Variants in PHACTR1 observed in about 807,000 individuals in gnomAD.
The protein encoded by PHACTR1 is RPEL repeat containing 1.
In PHACTR1, 16 loss-of-function variants were observed where a neutral mutation model predicts 69.2. The observed-to-expected ratio is 0.23, with a 90% CI of 0.16 to 0.35. The LOEUF (loss-of-function observed/expected upper bound fraction) is 0.35, where lower values mean the gene tolerates loss of function less well. Among genes scored for constraint, PHACTR1 ranks in the 10% least tolerant of loss-of-function variants. The pLI, the probability that PHACTR1 is intolerant of heterozygous loss-of-function variation, is 1.00. For synonymous variants in PHACTR1, 312 were observed against 284.5 expected, an observed-to-expected ratio of 1.10 and a Z score of -0.97; for missense variants, 510 against 734.7, an observed-to-expected ratio of 0.69 and a Z score of 3.54.
At chr6:13,150,181 T>C (rs1217883276) in intron 5 of PHACTR1, among the ~76,000 whole-genome samples, 1 of 152,014 alleles carries the variant, frequency 6.6e-6, no homozygotes, top group Non-Finnish European at 1.5e-5. Flanking sequence ...ACCCCACCTC[T>C]ACAGAAAATA....
chr6:12,939,149 T>G (rs529926398), intron 4 of PHACTR1, among the ~76,000 whole-genome samples: 45 of 152,320 alleles, frequency 3.0e-4, no homozygotes, highest in African/African-American at 9.9e-4. Context: ...GAACTGAGAC[T>G]GCTGGATTCC....
chr6:12,770,972 G>T (rs1268469495), intron 4 of PHACTR1, among the ~76,000 whole-genome samples: 1 of 152,142 alleles, frequency 6.6e-6, no homozygotes, highest in South Asian at 2.1e-4. Flanking sequence ...ACATTGCAAA[G>T]AACAAGAAAG....
chr6:13,035,599 A>G (rs1352983500), intron 4 of PHACTR1, among the ~76,000 whole-genome samples: 2 of 152,224 alleles, frequency 1.3e-5, no homozygotes, highest in African/African-American at 4.8e-5. Context: ...GAATTATAAT[A>G]CTAATATTTG....
intron 4 of PHACTR1, among the ~76,000 whole-genome samples, chr6:12,867,444 C>T (rs191894640): frequency 3.9e-5 from 6 of 152,256 alleles, no homozygotes; most frequent in Admixed American, 2.6e-4. Flanking sequence ...TAATATGCAC[C>T]AATTCCTTTA....
In PHACTR1 at chr6:13,205,822, C is replaced by A; in HGVS notation, c.672C>A (p.Gly224=). ...PSDIMDGPDP[G]APVKLPCLPV... ...GCCCTCTTTCTGCCACAGATCCTGG[C>A]GCCCCTGTGAAATTGCCTTGTCTGC... The change falls in exon 8 of 15, where the codon GGC becomes GGA. Residue 224 remains glycine (G), a synonymous_variant. Coordinates refer to ENST00000332995, the MANE Select transcript of PHACTR1 (RefSeq NM_030948.6). 1.3e-6 allele frequency: 2 copies of A among 1,581,842 alleles called. No homozygotes were observed. Among genetic ancestry groups the A allele is most frequent in the South Asian group, 1.1e-5 (1 of 87,890 alleles).
intron 4 of PHACTR1, among the ~76,000 whole-genome samples, chr6:12,760,135 A>G (rs976661068): frequency 6.6e-6 from 1 of 152,196 alleles, no homozygotes; most frequent in African/African-American, 2.4e-5. Context: ...TGCTTGTTCT[A>G]TTCCTCCAGG....
At chr6:12,878,141 G>A (rs77637666) in intron 4 of PHACTR1, among the ~76,000 whole-genome samples, 2,851 of 152,242 alleles carry the variant, frequency 0.019, 93 homozygotes, top group African/African-American at 0.065. Context: ...ATAAGCCTTC[G>A]GTGAATATGT....
chr6:12,830,125 G>GAAAGAAAGAAAGAAAGAAAGAAAGA (rs1777339980), intron 4 of PHACTR1, among the ~76,000 whole-genome samples: 38 of 126,728 alleles, frequency 3.0e-4, no homozygotes, highest in African/African-American at 6.5e-4. Flanking sequence ...AAGAAAGAAA[G>GAAAGAAAGAAAGAAAGAAAGAAAGA]AAAGAAAGAA....
At chr6:12,798,867 T>C (rs1411833250) in intron 4 of PHACTR1, among the ~76,000 whole-genome samples, 1 of 152,256 alleles carries the variant, frequency 6.6e-6, no homozygotes, top group Non-Finnish European at 1.5e-5. Context: ...TGCCTGAATC[T>C]ATATAGTGGA....
intron 4 of PHACTR1, among the ~76,000 whole-genome samples, chr6:12,823,587 G>A (rs1776448153): frequency 6.6e-6 from 1 of 152,174 alleles, no homozygotes; most frequent in Non-Finnish European, 1.5e-5. Context: ...AGATCCATAT[G>A]GAATGTGAAA....
intron 4 of PHACTR1, among the ~76,000 whole-genome samples, chr6:12,807,841 T>G (rs1774531786): frequency 6.6e-6 from 1 of 152,234 alleles, no homozygotes; most frequent in African/African-American, 2.4e-5. Context: ...TTGTGATAGC[T>G]TTAAAGGCTG....
chr6:13,048,578 A>G (rs182418896), intron 4 of PHACTR1, among the ~76,000 whole-genome samples: 111 of 141,800 alleles, frequency 7.8e-4, no homozygotes, highest in African/African-American at 2.9e-3. Flanking sequence ...TTTGTCACCT[A>G]TGCTGGAGTG....
intron 6 of PHACTR1, among the ~76,000 whole-genome samples, chr6:13,170,748 G>A (rs528952534): frequency 5.9e-5 from 9 of 152,216 alleles, no homozygotes; most frequent in Non-Finnish European, 1.3e-4. Context: ...GAAGATACAG[G>A]GCATCTTTTC....
intron 4 of PHACTR1, among the ~76,000 whole-genome samples, chr6:13,027,649 C>T (rs554320483): frequency 6.6e-6 from 1 of 151,652 alleles, no homozygotes; most frequent in Non-Finnish European, 1.5e-5. Flanking sequence ...CCACCTAACA[C>T]TTGCTGCACA....
chr6:13,201,055 A>G (rs1057089436), intron 7 of PHACTR1, among the ~76,000 whole-genome samples: 3 of 152,180 alleles, frequency 2.0e-5, no homozygotes, highest in Non-Finnish European at 4.4e-5. Flanking sequence ...ATGCACCCCC[A>G]GTCCTGGTCC....
chr6:12,815,312 C>T (rs1775459750), intron 4 of PHACTR1, among the ~76,000 whole-genome samples: 1 of 152,128 alleles, frequency 6.6e-6, no homozygotes, highest in African/African-American at 2.4e-5. Context: ...ACTGCCCCTC[C>T]CCAGTATCAA....
At chr6:12,907,655 G>A (rs1160019049) in intron 4 of PHACTR1, among the ~76,000 whole-genome samples, 1 of 152,240 alleles carries the variant, frequency 6.6e-6, no homozygotes, top group African/African-American at 2.4e-5. Context: ...TCTTGAAGAA[G>A]AAGGAGTGGG....
At chr6:13,255,663 G>A (rs566245004) in intron 10 of PHACTR1, among the ~76,000 whole-genome samples, 1 of 152,364 alleles carries the variant, frequency 6.6e-6, no homozygotes, top group African/African-American at 2.4e-5. Flanking sequence ...CCCCATGTAA[G>A]TCCTAAACCT....
intron 4 of PHACTR1, among the ~76,000 whole-genome samples, chr6:12,960,714 C>T (rs894319648): frequency 1.3e-5 from 2 of 152,118 alleles, no homozygotes; most frequent in African/African-American, 4.8e-5. Context: ...GTGATTCTGC[C>T]CTTTTCTCAT....
Sources: gnomAD v4.1 joint callset for allele counts (sites outside exome capture counted in the v4.1 genomes callset) on GRCh38, gnomAD v4.1.1 for gene constraint, MANE v1.5 for transcripts, NCBI Gene and HGNC (gene_info 2026-07-23, HGNC 2026-07-21) for gene names.